GPHN: variants seen among roughly 807,000 people sequenced by gnomAD.
The protein encoded by GPHN is gephyrin.
A neutral mutation model predicts 95.5 loss-of-function variants in GPHN; 17 were observed. That is an observed-to-expected ratio of 0.18 (90% CI 0.12 to 0.27). The LOEUF (loss-of-function observed/expected upper bound fraction) is 0.27, where lower values mean the gene tolerates loss of function less well. Ranked by LOEUF, GPHN falls within the 10% of genes least tolerant of loss-of-function variation. The pLI is 1.00. For missense variants in GPHN, 660 were observed against 978.1 expected (o/e 0.67, Z 4.34); for synonymous variants, 320 against 322.5 (o/e 0.99, Z 0.08).
chr14:67,727,121 G>T, the GPHN span: 4 of 1,614,184 alleles, frequency 2.5e-6, no homozygotes, highest in Admixed American at 1.7e-5. Flanking sequence ...CTACAGCAGG[G>T]GTTTTGCCTA....
chr14:67,688,116 T>G, the GPHN span, among the ~76,000 whole-genome samples: 1 of 152,134 alleles, frequency 6.6e-6, no homozygotes, highest in African/African-American at 2.4e-5. Context: ...ATTTAATTTC[T>G]AATCATCCTT....
chr14:67,182,880 C>T (rs543067927), downstream of GPHN, among the ~76,000 whole-genome samples: 65 of 126,030 alleles, frequency 5.2e-4, 1 homozygote, highest in African/African-American at 1.7e-3. Flanking sequence ...CAGTCTTGCT[C>T]TACTGCTCAG....
At chr14:66,606,734 G>C (rs1325769687) in intron 1 of GPHN, among the ~76,000 whole-genome samples, 1 of 151,972 alleles carries the variant, frequency 6.6e-6, no homozygotes, top group Non-Finnish European at 1.5e-5. Context: ...GGAAATTGGT[G>C]TGTGTTCTTG....
the GPHN span, among the ~76,000 whole-genome samples, chr14:67,556,415 C>T: frequency 2.6e-5 from 4 of 152,100 alleles, no homozygotes; most frequent in African/African-American, 9.7e-5. Context: ...AGATTACAGG[C>T]GTGAGCCACT....
rs114885568 is a variant in GPHN at position 66,718,300 on chromosome 14, C to T, written c.143+37115C>T. Among the ~76,000 whole-genome samples, 1,004 of 152,072 alleles carry T rather than the reference C, an allele frequency of 6.6e-3. 16 individuals are homozygous for T. Among genetic ancestry groups the T allele is most frequent in the African/African-American group, 0.023 (951 of 41,486 alleles). ...GTCTCGCTGACTTCAGGAATGAAGC[C>T]GCAGACCTTTGTAGTGAGTGTTACA... On this transcript the variant is annotated intron_variant, in intron 2 of 22. Transcript: ENST00000478722.
chr14:67,298,862 C>T, the GPHN span, among the ~76,000 whole-genome samples: 1 of 152,170 alleles, frequency 6.6e-6, no homozygotes, highest in East Asian at 1.9e-4. Context: ...TGAATATCCA[C>T]TGATTTGCTT....
the GPHN span, among the ~76,000 whole-genome samples, chr14:67,246,515 AT>A: frequency 2.6e-5 from 4 of 152,006 alleles, no homozygotes; most frequent in Non-Finnish European, 5.9e-5. Context: ...GATTTTTAAA[AT>A]TTTTTGTAGA....
the GPHN span, among the ~76,000 whole-genome samples, chr14:67,410,517 C>T: frequency 1.3e-5 from 2 of 152,300 alleles, no homozygotes; most frequent in African/African-American, 2.4e-5. Context: ...GGCAAGTGGG[C>T]GTGGCGCTTT....
At chr14:67,652,273 T>TTGTC in the GPHN span, 1 of 152,406 alleles carries the variant, frequency 6.6e-6, no homozygotes, top group African/African-American at 2.4e-5. Flanking sequence ...AATTCAAATA[T>TTGTC]TGTCTTCAAA....
intron 10 of GPHN, among the ~76,000 whole-genome samples, chr14:67,041,384 C>A (rs981464789): frequency 2.0e-5 from 3 of 151,372 alleles, no homozygotes; most frequent in Admixed American, 6.6e-5. Flanking sequence ...CACCCCCCAA[C>A]AGGCCCTGGT....
At position 66,879,353 on chromosome 14, in the gene GPHN, T is replaced by TA. The variant is rs58893187; in HGVS notation, c.295-573dup. ...ATGTACCCCAGAACTGAAAGTATAT[T>TA]AAAAAAAAAAAAAGTGGAGAAATCT... On this transcript the variant is annotated intron_variant, in intron 4 of 22. Coordinates refer to ENST00000478722, the MANE Select transcript of GPHN (RefSeq NM_020806.5). 2.3e-3 allele frequency among the ~76,000 whole-genome samples: 326 copies of TA among 138,830 alleles called. 1 individual carries two copies. The highest frequency in any genetic ancestry group is 0.014 in the Middle Eastern group (4 of 276). 91.1% of individuals were successfully genotyped at this position (138,830 alleles called of 152,430 possible).
chr14:67,604,549 A>G, the GPHN span, among the ~76,000 whole-genome samples: 6 of 127,222 alleles, frequency 4.7e-5, no homozygotes, highest in South Asian at 2.5e-4. Context: ...AAAACAAAAA[A>G]CAAAAAGCTG....
chr14:66,890,451 A>G (rs2064424195), intron 5 of GPHN, among the ~76,000 whole-genome samples: 2 of 151,660 alleles, frequency 1.3e-5, no homozygotes, highest in African/African-American at 4.8e-5. Flanking sequence ...CTTTCTATTT[A>G]CAAAATACCA....
chr14:67,200,032 G>A, the GPHN span: 685 of 930,288 alleles, frequency 7.4e-4, 4 homozygotes, highest in African/African-American at 0.011. Context: ...TCCCCATTCT[G>A]GACACCCAGG....
intron 4 of GPHN, among the ~76,000 whole-genome samples, chr14:66,845,554 T>TA (rs2062285502): frequency 6.6e-6 from 1 of 152,102 alleles, no homozygotes; most frequent in Non-Finnish European, 1.5e-5. Flanking sequence ...TGAAATGGAA[T>TA]AATGTGGGCT....
At chr14:67,144,202 A>G (rs1595362741) in intron 18 of GPHN, among the ~76,000 whole-genome samples, 1 of 138,024 alleles carries the variant, frequency 7.2e-6, no homozygotes, top group South Asian at 2.3e-4. Context: ...ACACCACTGC[A>G]CTCCAACCTG....
chr14:67,070,715 A>AAAAT, intron 11 of GPHN, among the ~76,000 whole-genome samples: 33 of 80,688 alleles, frequency 4.1e-4, no homozygotes, highest in Admixed American at 1.0e-3. Context: ...AAAAAAAAAA[A>AAAAT]ATATATATAT....
chr14:66,705,077 A>C (rs1008291835), intron 2 of GPHN, among the ~76,000 whole-genome samples: 1 of 152,256 alleles, frequency 6.6e-6, no homozygotes, highest in Admixed American at 6.5e-5. Context: ...GAAATGGATA[A>C]ATTCCTGGAC....
At chr14:66,662,999 G>T (rs906850508) in intron 1 of GPHN, among the ~76,000 whole-genome samples, 1 of 152,180 alleles carries the variant, frequency 6.6e-6, no homozygotes, top group African/African-American at 2.4e-5. Context: ...ATATATGACT[G>T]ATTGGTGTAC....
Sources: gnomAD v4.1 joint callset for allele counts (sites outside exome capture counted in the v4.1 genomes callset) on GRCh38, gnomAD v4.1.1 for gene constraint, MANE v1.5 for transcripts, NCBI Gene and HGNC (gene_info 2026-07-23, HGNC 2026-07-21) for gene names.